ABI3BP: variants seen among roughly 807,000 people sequenced by gnomAD.
ABI3BP encodes ABI family member 3 binding protein, also known as target of Nesh-SH3.
ABI3BP carries 216 observed loss-of-function variants against 268.6 expected under a neutral mutation model. The ratio of observed to expected loss-of-function variants is 0.80; its 90% CI spans 0.72 to 0.90. The LOEUF is 0.90. Among genes scored for constraint, ABI3BP ranks in the 40% least tolerant of loss-of-function variants. The probability of loss-of-function intolerance (pLI) is 0.00; values close to 1 mark genes in which losing one functional copy is unlikely to be tolerated. For missense variants in ABI3BP, 2,090 were observed against 2,182.4 expected (o/e 0.96, Z 0.84); for synonymous variants, 730 against 730.0 (o/e 1.00, Z 0.00).
At chr3:100,754,362 T>G (rs945514810) in intron 64 of ABI3BP, among the ~76,000 whole-genome samples, 1 of 152,220 alleles carries the variant, frequency 6.6e-6, no homozygotes, top group African/African-American at 2.4e-5. Flanking sequence ...AGGAGAGGAT[T>G]CATTGACTAG....
chr3:100,910,726 C>T (rs1214295482), intron 2 of ABI3BP, among the ~76,000 whole-genome samples: 1 of 151,982 alleles, frequency 6.6e-6, no homozygotes, highest in African/African-American at 2.4e-5. Flanking sequence ...CCCTCAACAA[C>T]TTAGTGAAAT....
chr3:100,823,624 A>G, intron 36 of ABI3BP, 110 bp from the exon 37 acceptor site: 1 of 827,858 alleles, frequency 1.2e-6, no homozygotes, highest in Non-Finnish European at 1.8e-6. Context: ...AGAAACAAAA[A>G]AAAAATTAAC....
chr3:100,823,352 G>T, intron 37 of ABI3BP, 106 bp downstream of exon 37: 2 of 942,644 alleles, frequency 2.1e-6, no homozygotes, highest in Non-Finnish European at 3.1e-6. Flanking sequence ...TTCAAGAAGA[G>T]TTGAATGGCC....
At chr3:100,818,706 A>C in intron 40 of ABI3BP, 125 bp from the exon 41 acceptor site, 3 of 811,480 alleles carry the variant, frequency 3.7e-6, no homozygotes, top group Non-Finnish European at 5.8e-6. Context: ...TTGTTATTTG[A>C]AGACTTGGCC....
At chr3:100,907,305 G>C (rs2053861775) in intron 2 of ABI3BP, among the ~76,000 whole-genome samples, 1 of 152,082 alleles carries the variant, frequency 6.6e-6, no homozygotes, top group Admixed American at 6.6e-5. Context: ...ACTAGCCTGG[G>C]CAACACAGTG....
intron 21 of ABI3BP, among the ~76,000 whole-genome samples, chr3:100,841,125 T>TAATAAAG (rs2098689654): frequency 6.7e-6 from 1 of 148,420 alleles, no homozygotes; most frequent in Admixed American, 6.8e-5. Flanking sequence ...CATGTGACTG[T>TAATAAAG]AATAAAGTAA....
At chr3:100,779,675 T>C (rs72930674) in intron 58 of ABI3BP, among the ~76,000 whole-genome samples, 1,964 of 152,222 alleles carry the variant, frequency 0.013, 37 homozygotes, top group African/African-American at 0.034. Context: ...AATAAAAGTC[T>C]TTATTCAATC....
At chr3:100,752,979 T>C in intron 65 of ABI3BP, 31 bp from the exon 66 acceptor site, 1 of 1,586,234 alleles carries the variant, frequency 6.3e-7, no homozygotes, top group Non-Finnish European at 8.6e-7. Flanking sequence ...GAGTTTAGTA[T>C]CTGACTCTTG....
At position 100,822,776 on chromosome 3, in the gene ABI3BP, C is replaced by T. The variant is rs932008647; in HGVS notation, c.2804-104G>A. 6.1e-6 allele frequency: 6 copies of T among 984,260 alleles called. No individual in the cohort carries two copies. In the African/African-American group the frequency reaches 8.1e-5, roughly 13 times the overall value. The allele number at this position is 984,260 out of a possible 1,614,324, so 61.0% of individuals were successfully genotyped here. ...ACTCTACTGCTTGATAGATATTTGC[C>T]TTTTAGTTCGAGATTTTTGTCACAT... On this transcript the variant is annotated intron_variant, in intron 37 of 67. Transcript: ENST00000471714.
chr3:100,972,329 A>G (rs1244426093), intron 1 of ABI3BP, among the ~76,000 whole-genome samples: 1 of 152,176 alleles, frequency 6.6e-6, no homozygotes, highest in African/African-American at 2.4e-5. Context: ...TTTATAAAGT[A>G]CTTTTAAGAT....
chr3:100,974,590 G>C (rs750001018), intron 1 of ABI3BP, among the ~76,000 whole-genome samples: 1 of 152,148 alleles, frequency 6.6e-6, no homozygotes, highest in African/African-American at 2.4e-5. Context: ...CAGAAACTGG[G>C]GGTAGGGGAA....
intron 1 of ABI3BP, among the ~76,000 whole-genome samples, chr3:100,943,835 T>C (rs942460968): frequency 1.3e-5 from 2 of 152,114 alleles, no homozygotes; most frequent in African/African-American, 4.8e-5. Context: ...ATTGTACTAT[T>C]TTTAAAATGT....
intron 1 of ABI3BP, among the ~76,000 whole-genome samples, chr3:100,940,685 T>C (rs2068582895): frequency 6.8e-6 from 1 of 147,980 alleles, no homozygotes; most frequent in African/African-American, 2.5e-5. Context: ...TACTGGTAAC[T>C]AGGGATACTA....
chr3:100,903,091 T>C (rs2051266888), intron 2 of ABI3BP, among the ~76,000 whole-genome samples: 1 of 152,208 alleles, frequency 6.6e-6, no homozygotes, highest in African/African-American at 2.4e-5. Context: ...CAAGACACCG[T>C]GGGCCTCACC....
chr3:100,816,693 T>G lies in ABI3BP; in HGVS notation c.3224A>C (p.Lys1075Thr). The G allele has an allele frequency of 2.0e-6, 3 of 1,535,784 alleles. No homozygotes were observed. The highest frequency in any genetic ancestry group is 2.6e-6 in the Non-Finnish European group (3 of 1,146,564). ...TTSSPEVPQN[K>T]SVSVTGFEPV... ...CCAAGGATTCATACATTTACCCGAT[T>G]TGTTCTGAGGTACTTCAGGACTTGA... Residue 1075 changes from lysine (K) to threonine (T), a missense_variant, in exon 43 of 68, where the codon AAA becomes ACA. Transcript: ENST00000471714.
At chr3:100,833,493 C>G (rs751716236) in intron 29 of ABI3BP, among the ~76,000 whole-genome samples, 14 of 152,112 alleles carry the variant, frequency 9.2e-5, no homozygotes, top group Non-Finnish European at 1.9e-4. Flanking sequence ...TGTAGTTACA[C>G]TATAAACTGG....
intron 63 of ABI3BP, among the ~76,000 whole-genome samples, chr3:100,763,478 G>T (rs1041841491): frequency 1.3e-5 from 2 of 149,096 alleles, no homozygotes; most frequent in African/African-American, 4.9e-5. Context: ...AAAAAAAAAA[G>T]AAAAAAGAAA....
At chr3:100,944,493 T>A (rs1210457869) in intron 1 of ABI3BP, among the ~76,000 whole-genome samples, 2 of 152,140 alleles carry the variant, frequency 1.3e-5, no homozygotes, top group African/African-American at 4.8e-5. Context: ...CAAGATTACA[T>A]ATTTCTATTG....
At chr3:100,833,256 A>C in intron 29 of ABI3BP, 99 bp from the exon 30 acceptor site, 1 of 1,141,204 alleles carries the variant, frequency 8.8e-7, no homozygotes. Context: ...TTACCATTAT[A>C]GCGTTGGTTC....
Sources: allele counts gnomAD v4.1 joint callset (sites outside exome capture counted in the v4.1 genomes callset), GRCh38; gene constraint gnomAD v4.1.1; transcripts MANE v1.5; gene names NCBI Gene and HGNC (gene_info 2026-07-23, HGNC 2026-07-21).